ZBTB20: variants seen among roughly 807,000 people sequenced by gnomAD.
ZBTB20 encodes zinc finger and BTB domain containing 20.
A neutral mutation model predicts 56.9 loss-of-function variants in ZBTB20; 9 were observed. The observed-to-expected ratio is 0.16, with a 90% confidence interval of 0.10 to 0.28. ZBTB20 has a LOEUF of 0.28. ZBTB20 is among the 10% of genes least tolerant of loss of function. The pLI is 1.00. For synonymous variants in ZBTB20, 417 were observed against 420.7 expected (o/e 0.99, Z 0.11); for missense variants, 655 against 1,003.0 (o/e 0.65, Z 4.69).
intron 7 of ZBTB20, among the ~76,000 whole-genome samples, chr3:114,479,657 CTA>C (rs1461808897): frequency 1.3e-5 from 2 of 152,152 alleles, no homozygotes; most frequent in Non-Finnish European, 2.9e-5. Flanking sequence ...GTGGACGTGT[CTA>C]TGTGTGTTTC....
At chr3:114,371,151 A>G (rs2082956573) in intron 10 of ZBTB20, among the ~76,000 whole-genome samples, 1 of 152,188 alleles carries the variant, frequency 6.6e-6, no homozygotes, top group South Asian at 2.1e-4. Context: ...CAGAGGTGCA[A>G]ACCCCTCATA....
chr3:114,354,721 A>G (rs6767933), intron 10 of ZBTB20, among the ~76,000 whole-genome samples: 1,648 of 151,738 alleles, frequency 0.011, 31 homozygotes, highest in African/African-American at 0.037. Context: ...AGCTGGGATT[A>G]CAGGCATGCA....
At chr3:115,000,024 T>C (rs188903212) in intron 2 of ZBTB20, among the ~76,000 whole-genome samples, 1 of 151,558 alleles carries the variant, frequency 6.6e-6, no homozygotes, top group Non-Finnish European at 1.5e-5. Flanking sequence ...ACCTAGACTA[T>C]TTAGTGTTGG....
intron 10 of ZBTB20, among the ~76,000 whole-genome samples, chr3:114,365,622 T>C (rs1158799637): frequency 1.3e-5 from 2 of 152,216 alleles, no homozygotes; most frequent in African/African-American, 2.4e-5. Flanking sequence ...GATGTGGGGT[T>C]GCAGAAAACT....
intron 6 of ZBTB20, among the ~76,000 whole-genome samples, chr3:114,650,265 T>C (rs2060061763): frequency 6.6e-6 from 1 of 151,872 alleles, no homozygotes; most frequent in Admixed American, 6.6e-5. Flanking sequence ...CATCTATTTC[T>C]GAAAGACCAT....
intron 6 of ZBTB20, among the ~76,000 whole-genome samples, chr3:114,522,614 G>A (rs1000024742): frequency 3.3e-5 from 5 of 152,130 alleles, no homozygotes; most frequent in Admixed American, 6.5e-5. Flanking sequence ...GCAATAATCC[G>A]GGTAAGAAAT....
chr3:114,969,381 C>A (rs888898613), intron 3 of ZBTB20, among the ~76,000 whole-genome samples: 1 of 151,988 alleles, frequency 6.6e-6, no homozygotes, highest in Non-Finnish European at 1.5e-5. Context: ...ATACATCGAT[C>A]CTTGAAACCA....
At chr3:114,688,028 G>GAGAC (rs1320581171) in intron 6 of ZBTB20, 3 of 152,192 alleles carry the variant, frequency 2.0e-5, no homozygotes, top group Non-Finnish European at 2.9e-5. Flanking sequence ...CCAGGAGTTT[G>GAGAC]AGACAAGCCT....
intron 4 of ZBTB20, among the ~76,000 whole-genome samples, chr3:114,889,221 G>A (rs1310521143): frequency 4.6e-5 from 7 of 151,826 alleles, no homozygotes; most frequent in African/African-American, 7.2e-5. Context: ...AAACCATAAG[G>A]ATGATACATG....
intron 10 of ZBTB20, among the ~76,000 whole-genome samples, chr3:114,355,216 G>A (rs2081120046): frequency 6.6e-6 from 1 of 151,914 alleles, no homozygotes; most frequent in Admixed American, 6.5e-5. Flanking sequence ...TGACCAGATT[G>A]GATTGCAAAT....
intron 4 of ZBTB20, among the ~76,000 whole-genome samples, chr3:114,896,296 A>C (rs952694491): frequency 1.3e-5 from 2 of 152,174 alleles, no homozygotes; most frequent in Admixed American, 6.5e-5. Flanking sequence ...ATAGTTGTAC[A>C]CCTATATTCA....
intron 4 of ZBTB20, among the ~76,000 whole-genome samples, chr3:114,880,600 G>A (rs2076363128): frequency 1.3e-5 from 2 of 152,038 alleles, no homozygotes; most frequent in South Asian, 2.1e-4. Context: ...AATCAGGGAT[G>A]TTTATAAAAA....
At position 114,327,408 on chromosome 3, in the gene ZBTB20, C is replaced by T. The variant is rs1445217295; in HGVS notation, c.*11597G>A. 2.6e-5 allele frequency: 4 copies of T among 151,686 alleles called. No homozygotes were observed. The East Asian group carries it at 5.8e-4, about 22-fold the overall frequency. The allele number at this position is 151,686 out of a possible 1,614,324, so 9.4% of individuals were successfully genotyped here. On this transcript the variant is annotated 3_prime_UTR_variant, in exon 12 of 12. Transcript: ENST00000675478. Reference sequence around the variant, plus strand: ...TCTTTCTTCCTTTGGAAGCCAGTGCCTAAGGAGAGGATTACTTTAGATAAA... The same window carrying T: ...TCTTTCTTCCTTTGGAAGCCAGTGCTTAAGGAGAGGATTACTTTAGATAAA...
intron 7 of ZBTB20, among the ~76,000 whole-genome samples, chr3:114,461,637 T>A (rs573421817): frequency 1.2e-4 from 19 of 152,276 alleles, no homozygotes; most frequent in Admixed American, 2.0e-4. Flanking sequence ...TCTTTTGCCA[T>A]AGTGTATCAT....
intron 7 of ZBTB20, among the ~76,000 whole-genome samples, chr3:114,441,922 A>C (rs906400297): frequency 6.6e-6 from 1 of 152,144 alleles, no homozygotes; most frequent in African/African-American, 2.4e-5. Context: ...CAACAAAACA[A>C]AATAAACCAA....
chr3:114,740,407 T>C (rs1416336474), intron 5 of ZBTB20, among the ~76,000 whole-genome samples: 2 of 152,142 alleles, frequency 1.3e-5, no homozygotes, highest in Non-Finnish European at 2.9e-5. Flanking sequence ...GTACGAAAAA[T>C]GCACACAAAC....
intron 4 of ZBTB20, among the ~76,000 whole-genome samples, chr3:114,819,868 C>G (rs916301662): frequency 2.7e-5 from 4 of 150,286 alleles, no homozygotes; most frequent in African/African-American, 1.0e-4. Flanking sequence ...AGACCACAAG[C>G]AAACAATTTA....
At chr3:114,742,343 G>T (rs1349847082) in intron 5 of ZBTB20, among the ~76,000 whole-genome samples, 1 of 152,002 alleles carries the variant, frequency 6.6e-6, no homozygotes, top group Non-Finnish European at 1.5e-5. Flanking sequence ...AGGATACTGT[G>T]GATATGGTGA....
intron 3 of ZBTB20, among the ~76,000 whole-genome samples, chr3:114,912,764 G>T (rs1434866326): frequency 6.6e-6 from 1 of 151,526 alleles, no homozygotes; most frequent in African/African-American, 2.4e-5. Context: ...CTACTCCCCA[G>T]TTACCCTTCC....
Sources: allele counts gnomAD v4.1 joint callset (sites outside exome capture counted in the v4.1 genomes callset), GRCh38; gene constraint gnomAD v4.1.1; transcripts MANE v1.5; gene names NCBI Gene and HGNC (gene_info 2026-07-23, HGNC 2026-07-21).